The following ARHGAP26 variants were observed in gnomAD, a reference collection of about 807,000 sequenced individuals.
ARHGAP26 encodes the protein rho GTPase-activating protein 26.
ARHGAP26 carries 38 observed loss-of-function variants against 104.8 expected under a neutral mutation model. The observed-to-expected ratio is 0.36, with a 90% CI of 0.28 to 0.48. The LOEUF is 0.48. Ranked by LOEUF, ARHGAP26 falls within the 20% of genes least tolerant of loss-of-function variation. ARHGAP26 has a pLI of 0.99. For synonymous variants in ARHGAP26, 341 were observed against 340.0 expected, an observed-to-expected ratio of 1.00 and a Z score of -0.03; for missense variants, 704 against 947.9, an observed-to-expected ratio of 0.74 and a Z score of 3.38.
intron 11 of ARHGAP26, among the ~76,000 whole-genome samples, chr5:143,004,855 C>G (rs1012310277): frequency 2.0e-5 from 3 of 151,970 alleles, no homozygotes; most frequent in African/African-American, 7.3e-5. Context: ...GGTGAGAAGG[C>G]AAAAACAATC....
chr5:142,802,404 G>GT (rs1237189830), intron 1 of ARHGAP26, among the ~76,000 whole-genome samples: 3 of 152,198 alleles, frequency 2.0e-5, no homozygotes, highest in Non-Finnish European at 4.4e-5. Flanking sequence ...AAAAAGTACA[G>GT]TAAGTCCTCA....
At chr5:143,171,921 T>A (rs1802827555) in intron 20 of ARHGAP26, among the ~76,000 whole-genome samples, 1 of 152,172 alleles carries the variant, frequency 6.6e-6, no homozygotes, top group African/African-American at 2.4e-5. Context: ...CATTTTTTTT[T>A]GTTTCCTTCC....
At chr5:142,810,042 C>T (rs1763761923) in intron 1 of ARHGAP26, among the ~76,000 whole-genome samples, 1 of 152,218 alleles carries the variant, frequency 6.6e-6, no homozygotes, top group Admixed American at 6.5e-5. Context: ...GACTAGACCC[C>T]TAGGCTCTGT....
chr5:142,802,604 A>G (rs1762287362), intron 1 of ARHGAP26, among the ~76,000 whole-genome samples: 1 of 152,352 alleles, frequency 6.6e-6, no homozygotes. Flanking sequence ...GATTCCATGT[A>G]ATTGTAATCG....
chr5:143,014,040 A>G (rs1779247359), intron 11 of ARHGAP26, 40 bp from the exon 12 acceptor site: 1 of 1,606,728 alleles, frequency 6.2e-7, no homozygotes, highest in Non-Finnish European at 8.5e-7. Context: ...ATAGGGTGGC[A>G]TAAAATGCAC....
At chr5:142,999,052 G>T (rs1776833122) in intron 11 of ARHGAP26, among the ~76,000 whole-genome samples, 1 of 152,170 alleles carries the variant, frequency 6.6e-6, no homozygotes, top group South Asian at 2.1e-4. Context: ...ATTCATGATG[G>T]TGAAATATTA....
chr5:142,997,459 AG>A (rs1292385454), intron 11 of ARHGAP26, among the ~76,000 whole-genome samples: 4 of 151,906 alleles, frequency 2.6e-5, no homozygotes, highest in Non-Finnish European at 5.9e-5. Context: ...CCCAGGCTGG[AG>A]GGCAGTGGCT....
intron 17 of ARHGAP26, among the ~76,000 whole-genome samples, chr5:143,068,179 AAAAT>A (rs1247442751): frequency 1.3e-5 from 2 of 152,198 alleles, no homozygotes; most frequent in Non-Finnish European, 2.9e-5. Context: ...AATAAAATAA[AAAAT>A]AAAAGGAATA....
intron 1 of ARHGAP26, among the ~76,000 whole-genome samples, chr5:142,837,030 C>T (rs1295331800): frequency 6.6e-6 from 1 of 152,158 alleles, no homozygotes; most frequent in Non-Finnish European, 1.5e-5. Context: ...TTAAATCTCT[C>T]GCAGAACGCA....
At chr5:142,783,353 G>A (rs966202796) in intron 1 of ARHGAP26, among the ~76,000 whole-genome samples, 10 of 152,244 alleles carry the variant, frequency 6.6e-5, no homozygotes, top group Non-Finnish European at 1.3e-4. Context: ...CGGATGTGGG[G>A]GAGCTCCTGA....
chr5:142,918,353 G>A lies in ARHGAP26; in HGVS notation c.1028+5060G>A, dbSNP rs147943503. On this transcript the variant is annotated intron_variant, in intron 10 of 22. Coordinates refer to ENST00000645722, the MANE Select transcript of ARHGAP26 (RefSeq NM_001135608.3). ...GTAGAGATGGGGTTTCACCATGTTG[G>A]CCAGGCTGGTATCAATCTCCTGACC... 6.7e-3 allele frequency among the ~76,000 whole-genome samples: 1,020 copies of A among 152,156 alleles called. 13 individuals carry two copies. The highest frequency in any genetic ancestry group is 0.023 in the African/African-American group (974 of 41,492).
intron 11 of ARHGAP26, among the ~76,000 whole-genome samples, chr5:142,968,895 A>G (rs1307593345): frequency 6.6e-6 from 1 of 152,200 alleles, no homozygotes; most frequent in Non-Finnish European, 1.5e-5. Context: ...CCATTATCTT[A>G]TGCCACAATG....
At position 143,213,912 on chromosome 5, in the gene ARHGAP26, G is replaced by A. The variant is rs547766905; in HGVS notation, c.2100-85G>A. ...ACGAGAGGGGACTAGGTAGCTTACA[G>A]GGAAAGGGAAGAAGAGAGATGAAAT... is the stretch of plus-strand genomic sequence containing the variant. On this transcript the variant is annotated intron_variant, in intron 21 of 22. Coordinates refer to ENST00000645722, the MANE Select transcript of ARHGAP26 (RefSeq NM_001135608.3). 4.6e-5 allele frequency: 42 copies of A among 914,762 alleles called. 2 individuals carry two copies. The South Asian group carries it at 7.1e-4, about 15-fold the overall frequency. 56.7% of individuals were successfully genotyped at this position (914,762 alleles called of 1,614,324 possible).
chr5:143,041,420 G>C lies in ARHGAP26; in HGVS notation c.1211-396G>C, dbSNP rs577346579. The stretch of plus-strand genomic sequence containing the variant: ...TTTTTGTGTAAAAATAGATTATAAA[G>C]TGTCTTTTTCTGTTGTATGAATTTT... On this transcript the variant is annotated intron_variant, in intron 13 of 22. Coordinates refer to ENST00000645722, the MANE Select transcript of ARHGAP26 (RefSeq NM_001135608.3). 2.6e-3 allele frequency: 441 copies of C among 169,736 alleles called. 4 individuals carry two copies. Among genetic ancestry groups the C allele is most frequent in the African/African-American group, 0.01 (417 of 41,582 alleles). The allele number at this position is 169,736 out of a possible 1,614,324, so 10.5% of individuals were successfully genotyped here.
chr5:143,038,401 C>T (rs1336536783), intron 13 of ARHGAP26, among the ~76,000 whole-genome samples: 1 of 152,078 alleles, frequency 6.6e-6, no homozygotes, highest in African/African-American at 2.4e-5. Flanking sequence ...TTCCCCTGTA[C>T]CTCTCTTAAA....
rs3776224 is a variant in ARHGAP26 at position 143,206,592 on chromosome 5, C to T, written c.1989-606C>T. On this transcript the variant is annotated intron_variant, in intron 20 of 22. Coordinates refer to ENST00000645722, the MANE Select transcript of ARHGAP26 (RefSeq NM_001135608.3). ...CCCAGGCAGCAAACCTCAGAGGAAC[C>T]GCATTCTGCTGGTAATTGCATGCCG... 1.8e-3 allele frequency among the ~76,000 whole-genome samples: 273 copies of T among 152,276 alleles called. 8 individuals carry two copies. The East Asian group carries it at 0.046, about 25-fold the overall frequency.
chr5:142,879,507 T>C, intron 4 of ARHGAP26, 62 bp downstream of exon 4: 1 of 1,419,466 alleles, frequency 7.0e-7, no homozygotes, highest in South Asian at 1.3e-5. Flanking sequence ...ACATAGCACC[T>C]TTCTTTAAAA....
At chr5:142,804,374 T>C (rs1381382588) in intron 1 of ARHGAP26, among the ~76,000 whole-genome samples, 1 of 152,270 alleles carries the variant, frequency 6.6e-6, no homozygotes, top group Non-Finnish European at 1.5e-5. Flanking sequence ...GGGATGCTTC[T>C]GGGAAGCTAG....
intron 19 of ARHGAP26, among the ~76,000 whole-genome samples, chr5:143,135,857 C>T (rs1374378935): frequency 1.3e-5 from 2 of 152,172 alleles, no homozygotes; most frequent in African/African-American, 2.4e-5. Context: ...AGCCTGTGTT[C>T]CTTTTAAATA....
Sources: allele counts gnomAD v4.1 joint callset (sites outside exome capture counted in the v4.1 genomes callset), GRCh38; gene constraint gnomAD v4.1.1; transcripts MANE v1.5; gene names NCBI Gene and HGNC (gene_info 2026-07-23, HGNC 2026-07-21).